The following ERCC6 variants were observed in gnomAD, a reference collection of about 807,000 sequenced individuals.
The protein encoded by ERCC6 is DNA excision repair protein ERCC-6.
In ERCC6, 116 loss-of-function variants were observed where a neutral mutation model predicts 158.7. The observed-to-expected ratio is 0.73, with a 90% confidence interval of 0.63 to 0.85. The LOEUF is 0.85. Among genes scored for constraint, ERCC6 ranks in the 40% least tolerant of loss-of-function variants. The pLI is 0.00. For missense variants in ERCC6, 1,698 were observed against 1,799.4 expected (o/e 0.94, Z 1.02); for synonymous variants, 678 against 659.3 (o/e 1.03, Z -0.43).
At chr10:49,500,197 T>C (rs1235238867) in intron 7 of ERCC6, among the ~76,000 whole-genome samples, 1 of 152,214 alleles carries the variant, frequency 6.6e-6, no homozygotes, top group Non-Finnish European at 1.5e-5. Context: ...AAATTCCATA[T>C]TGTGTAAACT....
chr10:49,470,935 T>C lies in ERCC6; in HGVS notation c.3070+40A>G, dbSNP rs754202802. On this transcript the variant is annotated intron_variant, in intron 17 of 20. Transcript: ENST00000355832. The stretch of plus-strand genomic sequence containing the variant: ...ACTAATACTATATTGTATCATCTTG[T>C]GCAATTGATTACTTTAAATTAAATG... 8.1e-6 allele frequency: 13 copies of C among 1,613,746 alleles called. No homozygotes were observed. In the South Asian group the frequency reaches 1.3e-4, roughly 16 times the overall value.
chr10:49,444,749 T>C, the ERCC6 span, among the ~76,000 whole-genome samples: 1 of 152,224 alleles, frequency 6.6e-6, no homozygotes, highest in Non-Finnish European at 1.5e-5. Flanking sequence ...GGAACTCTTC[T>C]GAGAACATAA....
At chr10:49,483,276 A>C (rs1181715011) in intron 9 of ERCC6, 70 bp downstream of exon 9, 3 of 1,467,124 alleles carry the variant, frequency 2.0e-6, no homozygotes, top group Non-Finnish European at 2.9e-6. Flanking sequence ...TGTTACTAAA[A>C]GCAGATAGTT....
chr10:49,538,873 A>C (rs1837669415), intron 1 of ERCC6, 89 bp downstream of exon 1: 2 of 54,510 alleles, frequency 3.7e-5, no homozygotes, highest in African/African-American at 1.7e-4. Flanking sequence ...CGGCGAGGCC[A>C]AGGCGCGGGG....
intron 8 of ERCC6, among the ~76,000 whole-genome samples, chr10:49,487,718 A>C (rs1851100628): frequency 6.6e-6 from 1 of 152,212 alleles, no homozygotes; most frequent in Non-Finnish European, 1.5e-5. Flanking sequence ...AATGATGTTT[A>C]GTTTCTTATG....
intron 5 of ERCC6, among the ~76,000 whole-genome samples, chr10:49,512,941 G>C (rs963251364): frequency 6.6e-6 from 1 of 152,174 alleles, no homozygotes; most frequent in Admixed American, 6.5e-5. Context: ...TTGTTAAACT[G>C]CCTTTACTTG....
intron 1 of ERCC6, among the ~76,000 whole-genome samples, chr10:49,537,219 C>T (rs1286950379): frequency 1.3e-5 from 2 of 151,848 alleles, no homozygotes; most frequent in Admixed American, 1.3e-4. Flanking sequence ...AGGCGCGCGC[C>T]TGTAATCCCA....
the ERCC6 span, among the ~76,000 whole-genome samples, chr10:49,436,400 C>T: frequency 1.3e-5 from 2 of 152,042 alleles, no homozygotes; most frequent in Admixed American, 6.5e-5. Context: ...CAGAAAGACA[C>T]ATTAGAAACT....
At chr10:49,497,024 T>A (rs1590432146) in intron 7 of ERCC6, among the ~76,000 whole-genome samples, 1 of 152,136 alleles carries the variant, frequency 6.6e-6, no homozygotes, top group Admixed American at 6.5e-5. Context: ...TTTGAAACCC[T>A]CCCTGCCTCC....
chr10:49,470,960 G>T lies in ERCC6; in HGVS notation c.3070+15C>A. 5 of 1,613,702 alleles carry T rather than the reference G, an allele frequency of 3.1e-6. No individual in the cohort carries two copies. The highest frequency in any genetic ancestry group is 4.2e-6 in the Non-Finnish European group (5 of 1,179,934). ...TGCAATTGATTACTTTAAATTAAAT[G>T]ATTTTATGTAATACCTGCAAAAATT... is the stretch of plus-strand genomic sequence containing the variant. On this transcript the variant is annotated intron_variant, in intron 17 of 20. Transcript: ENST00000355832.
chr10:49,508,858 A>G (rs1449121728), intron 5 of ERCC6, among the ~76,000 whole-genome samples: 5 of 152,122 alleles, frequency 3.3e-5, no homozygotes, highest in African/African-American at 1.2e-4. Context: ...GTTCATCTGC[A>G]CATACACAGA....
intron 14 of ERCC6, 74 bp downstream of exon 14, chr10:49,473,403 G>C (rs537549013): frequency 1.0e-6 from 1 of 987,386 alleles, no homozygotes; most frequent in South Asian, 1.3e-5. Context: ...GTGGGTAAGG[G>C]TGTGGATACG....
chr10:49,530,903 G>T, intron 2 of ERCC6, 63 bp from the exon 3 acceptor site: 1 of 1,590,420 alleles, frequency 6.3e-7, no homozygotes. Flanking sequence ...ATAATATAAA[G>T]AGAAAAATGC....
intron 3 of ERCC6, among the ~76,000 whole-genome samples, chr10:49,530,134 G>C (rs1237126272): frequency 3.9e-5 from 6 of 152,110 alleles, no homozygotes; most frequent in Non-Finnish European, 7.3e-5. Context: ...GAGACCAGGA[G>C]ACTGAGGCCA....
intron 7 of ERCC6, among the ~76,000 whole-genome samples, chr10:49,497,431 T>C (rs1303016975): frequency 6.6e-6 from 1 of 152,264 alleles, no homozygotes; most frequent in Non-Finnish European, 1.5e-5. Context: ...TTTTCTCTTT[T>C]ATAATGTGCC....
intron 1 of ERCC6, among the ~76,000 whole-genome samples, chr10:49,536,457 G>A (rs904028959): frequency 3.3e-5 from 5 of 152,186 alleles, no homozygotes; most frequent in African/African-American, 7.2e-5. Flanking sequence ...TCGGACTCTG[G>A]CAGAAGGAGG....
At chr10:49,497,949 C>A (rs931392466) in intron 7 of ERCC6, among the ~76,000 whole-genome samples, 1 of 152,182 alleles carries the variant, frequency 6.6e-6, no homozygotes, top group East Asian at 1.9e-4. Context: ...TTAGGAATTA[C>A]CAAATGATAT....
chr10:49,505,608 A>G (rs1304560085), intron 6 of ERCC6: 1 of 321,696 alleles, frequency 3.1e-6, no homozygotes, highest in African/African-American at 2.1e-5. Context: ...TTCAACATAA[A>G]TGGCTTTTAA....
intron 5 of ERCC6, chr10:49,515,423 G>A (rs188189367): frequency 2.0e-5 from 33 of 1,614,098 alleles, no homozygotes; most frequent in South Asian, 1.2e-4. Flanking sequence ...GACATTCAGC[G>A]CATCGCGTTT....
Sources: allele counts gnomAD v4.1 joint callset (sites outside exome capture counted in the v4.1 genomes callset), GRCh38; gene constraint gnomAD v4.1.1; transcripts MANE v1.5; gene names NCBI Gene and HGNC (gene_info 2026-07-23, HGNC 2026-07-21).